Variants in DLST observed in about 807,000 individuals in gnomAD.
DLST encodes the protein dihydrolipoyllysine-residue succinyltransferase component of 2-oxoglutarate dehydrogenase complex, mitochondrial.
DLST carries 17 observed loss-of-function variants against 53.1 expected under a neutral mutation model. That is an observed-to-expected ratio of 0.32 (90% confidence interval 0.22 to 0.48). The LOEUF (loss-of-function observed/expected upper bound fraction) is 0.48, where lower values mean the gene tolerates loss of function less well. Ranked by LOEUF, DLST falls within the 20% of genes least tolerant of loss-of-function variation. DLST has a pLI of 0.99. For synonymous variants in DLST, 206 were observed against 204.8 expected (o/e 1.01, Z -0.05); for missense variants, 512 against 583.9 (o/e 0.88, Z 1.27).
chr14:74,900,502 G>A, intron 13 of DLST, 130 bp downstream of exon 13: 1 of 735,120 alleles, frequency 1.4e-6, no homozygotes, highest in Admixed American at 2.4e-5. Context: ...AGTTGCCCAT[G>A]AGAGCTAAGT....
chr14:74,884,419 C>T (rs1408010279), intron 2 of DLST, among the ~76,000 whole-genome samples: 1 of 152,150 alleles, frequency 6.6e-6, no homozygotes, highest in Non-Finnish European at 1.5e-5. Context: ...AAGAGCCTTG[C>T]ACTTGGGGAT....
chr14:74,894,619 C>G (rs565157420), intron 10 of DLST, among the ~76,000 whole-genome samples: 24 of 152,226 alleles, frequency 1.6e-4, no homozygotes, highest in African/African-American at 5.5e-4. Context: ...GATCTCGGCT[C>G]ACTGCAAGCT....
intron 3 of DLST, among the ~76,000 whole-genome samples, chr14:74,887,407 A>G (rs1200575523): frequency 6.6e-6 from 1 of 152,226 alleles, no homozygotes; most frequent in Non-Finnish European, 1.5e-5. Context: ...TACACTAAAT[A>G]TTTGAAAGTA....
At chr14:74,888,481 G>A (rs944824067) in intron 3 of DLST, among the ~76,000 whole-genome samples, 2 of 151,982 alleles carry the variant, frequency 1.3e-5, no homozygotes, top group Non-Finnish European at 2.9e-5. Context: ...ACTCACTCCT[G>A]TAATCCCAGC....
intron 6 of DLST, among the ~76,000 whole-genome samples, 172 bp downstream of exon 6, chr14:74,890,124 C>CTTTTTT (rs34237381): frequency 9.4e-5 from 8 of 85,100 alleles, no homozygotes; most frequent in Non-Finnish European, 1.4e-4. Flanking sequence ...TTACATTTAA[C>CTTTTTT]TTTTTTTTTT....
intron 6 of DLST, 64 bp from the exon 7 acceptor site, chr14:74,890,992 A>G (rs1020966766): frequency 5.0e-5 from 79 of 1,567,004 alleles, no homozygotes; most frequent in Middle Eastern, 2.3e-4. Context: ...TGGAGATTCT[A>G]TACAGCTAAT....
In DLST at chr14:74,881,942, T is replaced by C; in HGVS notation, c.-12T>C. Reference sequence around the variant, plus strand: ...TATCCGGTGTCCGCCCGCCCTCGGCTCCTCCGCCGTGATGCTGTCCCGATC... The same window carrying C: ...TATCCGGTGTCCGCCCGCCCTCGGCCCCTCCGCCGTGATGCTGTCCCGATC... On this transcript the variant is annotated 5_prime_UTR_variant, in exon 1 of 15. Coordinates refer to ENST00000334220, the MANE Select transcript of DLST (RefSeq NM_001933.5). 7 of 1,541,244 alleles carry C rather than the reference T, an allele frequency of 4.5e-6. No individual in the cohort carries two copies. The highest frequency in any genetic ancestry group is 6.1e-6 in the Non-Finnish European group (7 of 1,150,350).
intron 13 of DLST, 36 bp downstream of exon 13, chr14:74,900,408 G>A (rs1284611162): frequency 5.0e-6 from 8 of 1,595,524 alleles, no homozygotes; most frequent in Non-Finnish European, 6.9e-6. Context: ...TGCTAAGCAG[G>A]CGAGGGAAGA....
chr14:74,902,488 C>A lies in DLST; in HGVS notation c.*158C>A. The A allele has an allele frequency of 1.2e-6, 1 of 812,182 alleles. No individual in the cohort carries two copies. 50.3% of individuals were successfully genotyped at this position (812,182 alleles called of 1,614,324 possible). A position where few individuals can be genotyped will look rare whatever the true frequency, so the allele number is the denominator to read the frequency against. On this transcript the variant is annotated 3_prime_UTR_variant, in exon 15 of 15. Coordinates refer to ENST00000334220, the MANE Select transcript of DLST (RefSeq NM_001933.5). The stretch of plus-strand genomic sequence containing the variant: ...CACTGTGTAACCAGCAGTCACAGGT[C>A]TTTTCTTGGCGTTCCTGCCAGGCTC...
intron 14 of DLST, 82 bp downstream of exon 14, chr14:74,901,315 A>G (rs1884239851): frequency 7.3e-7 from 1 of 1,369,710 alleles, no homozygotes; most frequent in African/African-American, 1.5e-5. Context: ...GTAAAACATT[A>G]ACTATAATTT....
intron 13 of DLST, among the ~76,000 whole-genome samples, chr14:74,900,697 G>A (rs568329573): frequency 7.2e-5 from 11 of 152,308 alleles, no homozygotes; most frequent in African/African-American, 1.2e-4. Flanking sequence ...TTGTGCCATC[G>A]ATCTCGATAC....
chr14:74,891,657 A>G lies in DLST; in HGVS notation c.442+490A>G, dbSNP rs145174195. On this transcript the variant is annotated intron_variant, in intron 7 of 14. Transcript: ENST00000334220. The stretch of plus-strand genomic sequence containing the variant: ...TATTTCTTTTGGGAAGAAATGAGAA[A>G]CGAATTTGTACTGGACCTGATAGGA... 6.1e-4 allele frequency: 598 copies of G among 985,060 alleles called. 5 individuals carry two copies. In the African/African-American group the frequency reaches 1.0e-2, roughly 16 times the overall value. The allele number at this position is 985,060 out of a possible 1,614,324, so 61.0% of individuals were successfully genotyped here. A position where few individuals can be genotyped will look rare whatever the true frequency, so the allele number is the denominator to read the frequency against.
chr14:74,889,165 TG>T lies in DLST; in HGVS notation c.199+21del, dbSNP rs1472058607. On this transcript the variant is annotated intron_variant, in intron 4 of 14. Transcript: ENST00000334220. ...TGTATGCAGTAAGTACCTGCTTTCT[TG>T]GGAATGGAATTTTATGGGAAGAGCA... The T allele has an allele frequency of 6.2e-7, 1 of 1,613,852 alleles. No individual in the cohort carries two copies. The highest frequency in any genetic ancestry group is 8.5e-7 in the Non-Finnish European group (1 of 1,179,850).
In DLST at chr14:74,893,254, A is replaced by C. The variant is rs75343848; in HGVS notation, c.596-94A>C. On this transcript the variant is annotated intron_variant, in intron 8 of 14. Coordinates refer to ENST00000334220, the MANE Select transcript of DLST (RefSeq NM_001933.5). ...ACTAATATACCTCAGAATATCTTGA[A>C]GATTAAGTAACAGTACATATGAAAG... 4.3e-3 allele frequency: 5,953 copies of C among 1,388,222 alleles called. 101 individuals carry two copies. Among genetic ancestry groups the C allele is most frequent in the Admixed American group, 0.036 (2,056 of 56,432 alleles). 86.0% of individuals were successfully genotyped at this position (1,388,222 alleles called of 1,614,324 possible).
chr14:74,881,993 C>A lies in DLST; in HGVS notation c.40C>A (p.Arg14Ser), dbSNP rs151007114. 3.8e-6 allele frequency: 6 copies of A among 1,572,600 alleles called. No individual in the cohort carries two copies. Among genetic ancestry groups the A allele is most frequent in the South Asian group, 1.1e-5 (1 of 87,508 alleles). The change falls in exon 1 of 15, where the codon CGC becomes AGC. Residue 14 changes from arginine to serine, a missense_variant. Physicochemically the swap from Arg to Ser is moderately radical, Grantham distance 110. This residue lies in a region of DLST where 129 missense variants were observed against 90.9 expected (regional missense o/e 1.42). Transcript: ENST00000334220. ...RSRCVSRAFSRSLSAFQKGNC... is the reference protein window; with the variant it reads ...RSRCVSRAFSSSLSAFQKGNC... The stretch of plus-strand genomic sequence containing the variant: ...CCGCTGTGTGTCTCGGGCGTTCAGC[C>A]GCTCGCTCTCCGCCTTCCAGAAGGT...
At chr14:74,886,806 A>G (rs764726860) in intron 3 of DLST, among the ~76,000 whole-genome samples, 3 of 151,546 alleles carry the variant, frequency 2.0e-5, no homozygotes, top group Non-Finnish European at 2.9e-5. Context: ...CAGTGGCGCG[A>G]TCTCGGCTCA....
At chr14:74,895,488 G>A (rs536740107) in intron 10 of DLST, among the ~76,000 whole-genome samples, 1 of 152,216 alleles carries the variant, frequency 6.6e-6, no homozygotes, top group African/African-American at 2.4e-5. Flanking sequence ...GGGCACCATG[G>A]CTCGTGCCTA....
At position 74,894,400 on chromosome 14, in the gene DLST, T is replaced by C. The variant is rs750746634; in HGVS notation, c.761T>C (p.Ile254Thr). The C allele has an allele frequency of 5.6e-6, 9 of 1,614,010 alleles. No homozygotes were observed. Among genetic ancestry groups the C allele is most frequent in the Non-Finnish European group, 5.1e-6 (6 of 1,179,994 alleles). ...GCAATGCTGACAACTTTTAATGAGA[T>C]TGACATGAGGTAGTGTCTCTAGTCC... The part of the protein sequence containing the change: ...TCAMLTTFNE[I>T]DMSNIQEMRA... Residue 254 changes from isoleucine (I) to threonine (T), a missense_variant, in exon 10 of 15, where the codon ATT becomes ACT. By Grantham distance (89) the Ile-to-Thr change is moderately conservative (BLOSUM62 -1). This residue lies in a region of DLST where 162 missense variants were observed against 162.0 expected (regional missense o/e 1.00). Transcript: ENST00000334220.
intron 6 of DLST, 35 bp from the exon 7 acceptor site, chr14:74,891,021 C>T (rs769559522): frequency 1.4e-5 from 22 of 1,596,462 alleles, no homozygotes; most frequent in African/African-American, 2.7e-5. Flanking sequence ...GCTGGATAAA[C>T]ATTTGGACTT....
Sources: gnomAD v4.1 joint callset for allele counts (sites outside exome capture counted in the v4.1 genomes callset) on GRCh38, gnomAD v4.1.1 for gene constraint, gnomAD v4.1.1 regional missense constraint, MANE v1.5 for transcripts, NCBI Gene and HGNC (gene_info 2026-07-23, HGNC 2026-07-21) for gene names.